Variants in HSP90AB1 observed in about 807,000 individuals in gnomAD.
HSP90AB1 encodes heat shock protein HSP 90-beta.
HSP90AB1 carries 17 observed loss-of-function variants against 67.8 expected under a neutral mutation model. That is an observed-to-expected ratio of 0.25 (90% CI 0.17 to 0.38). The LOEUF is 0.38. Among genes scored for constraint, HSP90AB1 ranks in the 10% least tolerant of loss-of-function variants. The probability of loss-of-function intolerance (pLI) is 1.00; values close to 1 mark genes in which losing one functional copy is unlikely to be tolerated. For synonymous variants in HSP90AB1, 390 were observed against 312.9 expected, an observed-to-expected ratio of 1.25 and a Z score of -2.60; for missense variants, 690 against 899.9, an observed-to-expected ratio of 0.77 and a Z score of 2.98.
Position 44,250,786 on chromosome 6 carries a change from CTCT to C in HSP90AB1, c.957+192_957+194del, listed in dbSNP as rs368873216. 2.4e-3 allele frequency among the ~76,000 whole-genome samples: 361 copies of C among 152,314 alleles called. 2 individuals carry two copies. Among genetic ancestry groups the C allele is most frequent in the African/African-American group, 7.7e-3 (321 of 41,568 alleles). Reference sequence around the variant, plus strand: ...CCATCATTTCTAATGACCTCACTTTCTCTTCTTATGGAAATCTGGGTAATGTCT... The same window carrying C: ...CCATCATTTCTAATGACCTCACTTTCTCTTATGGAAATCTGGGTAATGTCT... On this transcript the variant is annotated intron_variant, in intron 6 of 11. Transcript: ENST00000371646.
Position 44,251,580 on chromosome 6 carries a change from T to A in HSP90AB1, c.1286T>A (p.Phe429Tyr). 1 of 1,607,088 alleles carries A rather than the reference T, an allele frequency of 6.2e-7. No individual in the cohort carries two copies. The highest frequency in any genetic ancestry group is 8.5e-7 in the Non-Finnish European group (1 of 1,175,502). Residue 429 changes from phenylalanine to tyrosine, a missense_variant, in exon 8 of 12, where the codon TTC becomes TAC. By Grantham distance (22) the Phe-to-Tyr change is conservative. Transcript: ENST00000371646. ...LAEDKENYKK[F>Y]YEAFSKNLKL... ...GAAGACAAGGAGAATTACAAGAAAT[T>A]CTATGAGGCATTCTCTAAAAATCTC...
chr6:44,248,855 T>C (rs919413126), intron 2 of HSP90AB1, 79 bp downstream of exon 2: 1 of 1,326,546 alleles, frequency 7.5e-7, no homozygotes, highest in Non-Finnish European at 1.1e-6. Flanking sequence ...TGGTTTGGCC[T>C]TTGTTGGGGA....
chr6:44,251,291 A>C, intron 7 of HSP90AB1, 78 bp downstream of exon 7: 2 of 1,564,962 alleles, frequency 1.3e-6, no homozygotes, highest in South Asian at 2.2e-5. Context: ...ATTCTAAGGT[A>C]ACAGTTTTCT....
In HSP90AB1 at chr6:44,248,718, A is replaced by G; in HGVS notation, c.89A>G (p.Asn30Ser). 6.2e-7 allele frequency: 1 copy of G among 1,613,988 alleles called. No homozygotes were observed. The highest frequency in any genetic ancestry group is 8.5e-7 in the Non-Finnish European group (1 of 1,179,806). Residue 30 changes from asparagine (N) to serine (S), a missense_variant, in exon 2 of 12, where the codon AAT becomes AGT. Transcript: ENST00000371646. ...GCCCAACTCATGTCCCTCATCATCA[A>G]TACCTTCTATTCCAACAAGGAGATT... ...EIAQLMSLII[N>S]TFYSNKEIFL...
chr6:44,249,094 C>T (rs34242605), intron 2 of HSP90AB1, among the ~76,000 whole-genome samples: 1 of 152,176 alleles, frequency 6.6e-6, no homozygotes, highest in African/African-American at 2.4e-5. Flanking sequence ...TGTTGGCTCA[C>T]ACCTGTAATG....
chr6:44,252,500 T>C (rs1245465252), intron 10 of HSP90AB1, among the ~76,000 whole-genome samples: 1 of 152,134 alleles, frequency 6.6e-6, no homozygotes, highest in East Asian at 1.9e-4. Context: ...ATTTTCTTTT[T>C]TTTTTCTTTT....
At position 44,247,583 on chromosome 6, in the gene HSP90AB1, C is replaced by T. The variant is rs151300719; in HGVS notation, c.-1+388C>T. Among the ~76,000 whole-genome samples the T allele has an allele frequency of 1.9e-3, 285 of 152,340 alleles. 1 individual carries two copies. The highest frequency in any genetic ancestry group is 6.4e-3 in the African/African-American group (268 of 41,578). ...GTGGCGGGGGTGCCCGCTCGGGTGA[C>T]TCAGCACGGCCTTGTGGGACTGGCT... On this transcript the variant is annotated intron_variant, in intron 1 of 11. Coordinates refer to ENST00000371646, the MANE Select transcript of HSP90AB1 (RefSeq NM_007355.4).
intron 10 of HSP90AB1, 55 bp from the exon 11 acceptor site, chr6:44,252,990 T>G: frequency 6.9e-7 from 1 of 1,447,664 alleles, no homozygotes; most frequent in Non-Finnish European, 9.7e-7. Flanking sequence ...TGACAATGCC[T>G]GTTTTCTCTT....
At position 44,250,571 on chromosome 6, in the gene HSP90AB1, A is replaced by G. The variant is rs750758391; in HGVS notation, c.929A>G (p.Asn310Ser). Residue 310 changes from asparagine to serine, a missense_variant, in exon 6 of 12, where the codon AAT becomes AGT. Asn to Ser is a conservative substitution (Grantham distance 46, BLOSUM62 1). This residue lies in a region of HSP90AB1 where 101 missense variants were observed against 174.8 expected (regional missense o/e 0.58). Transcript: ENST00000371646. Reference protein sequence around the residue: ...EYGEFYKSLTNDWEDHLAVKH... With the variant: ...EYGEFYKSLTSDWEDHLAVKH... The stretch of plus-strand genomic sequence containing the variant: ...GGAGAATTCTACAAGAGCCTCACTA[A>G]TGACTGGGAAGACCACTTGGCAGTC... The G allele has an allele frequency of 6.2e-7, 1 of 1,611,370 alleles. No homozygotes were observed.
At position 44,253,155 on chromosome 6, in the gene HSP90AB1, C is replaced by T. The variant is rs1220613830; in HGVS notation, c.1842C>T (p.Asn614=). ...TGAAAGCCCAGGCACTTCGGGACAA[C>T]TCCACCATGGGCTATATGATGGCCA... The part of the protein sequence containing the change: ...RIMKAQALRD[N]STMGYMMAKK... The change falls in exon 11 of 12, where the codon AAC becomes AAT. Residue 614 remains asparagine (N), a synonymous_variant. Transcript: ENST00000371646. 6 of 1,614,124 alleles carry T rather than the reference C, an allele frequency of 3.7e-6. No homozygotes were observed. Among genetic ancestry groups the T allele is most frequent in the Non-Finnish European group, 5.1e-6 (6 of 1,180,054 alleles).
At chr6:44,251,667 A>G (rs780773308) in intron 8 of HSP90AB1, 59 bp downstream of exon 8, 6 of 1,591,798 alleles carry the variant, frequency 3.8e-6, no homozygotes, top group Non-Finnish European at 5.1e-6. Context: ...ACAATAAATT[A>G]TTCCATTCAC....
At position 44,248,315 on chromosome 6, in the gene HSP90AB1, CATT is replaced by C. The variant is rs571281415; in HGVS notation, c.1-312_1-310del. 4.5e-4 allele frequency among the ~76,000 whole-genome samples: 69 copies of C among 152,352 alleles called. No individual in the cohort carries two copies. The East Asian group carries it at 0.013, about 28-fold the overall frequency. On this transcript the variant is annotated intron_variant, in intron 1 of 11. Coordinates refer to ENST00000371646, the MANE Select transcript of HSP90AB1 (RefSeq NM_007355.4). ...TCTCTAGATACCTGGGTTGGACCAA[CATT>C]ATGATTTTTCTGCCATACTACCAGA...
chr6:44,251,305 A>G (rs1427401050), intron 7 of HSP90AB1, 92 bp downstream of exon 7: 23 of 1,541,874 alleles, frequency 1.5e-5, no homozygotes, highest in Non-Finnish European at 2.0e-5. Context: ...GTTTTCTGCA[A>G]TACATAGTAG....
upstream of HSP90AB1, among the ~76,000 whole-genome samples, chr6:44,246,934 T>C (rs1306834333): frequency 2.0e-5 from 3 of 152,194 alleles, no homozygotes; most frequent in African/African-American, 7.2e-5. Context: ...GATCCGTTGC[T>C]TGGGTTCTTC....
Position 44,251,512 on chromosome 6 carries a change from A to G in HSP90AB1, c.1218A>G (p.Lys406=). The part of the protein sequence containing the change: ...QQSKILKVIR[K]NIVKKCLELF... Reference sequence around the variant, plus strand: ...GCAAAATCTTGAAAGTCATTCGCAAAAACATTGTTAAGAAGTGCCTTGAGC... The same window carrying G: ...GCAAAATCTTGAAAGTCATTCGCAAGAACATTGTTAAGAAGTGCCTTGAGC... The change falls in exon 8 of 12, where the codon AAA becomes AAG. Residue 406 remains lysine (K), a synonymous_variant. Coordinates refer to ENST00000371646, the MANE Select transcript of HSP90AB1 (RefSeq NM_007355.4). 6.2e-7 allele frequency: 1 copy of G among 1,612,528 alleles called. No individual in the cohort carries two copies. The highest frequency in any genetic ancestry group is 1.7e-4 in the Middle Eastern group (1 of 6,050).
rs1445768883 is a variant in HSP90AB1 at position 44,252,503 on chromosome 6, TTTC to T, written c.1731+239_1731+241del. Among the ~76,000 whole-genome samples, 141 of 152,282 alleles carry T rather than the reference TTTC, an allele frequency of 9.3e-4. 1 individual carries two copies. The highest frequency in any genetic ancestry group is 3.2e-3 in the African/African-American group (132 of 41,534). On this transcript the variant is annotated intron_variant, in intron 10 of 11. Coordinates refer to ENST00000371646, the MANE Select transcript of HSP90AB1 (RefSeq NM_007355.4). ...TAAAATACCATCATTTTCTTTTTTTTTTCTTTTTTTGAGATGGGGTCTCGCTCT... is the reference window on the plus strand; with the variant it reads ...TAAAATACCATCATTTTCTTTTTTTTTTTTTTTGAGATGGGGTCTCGCTCT...
chr6:44,252,526 C>T (rs901283985), intron 10 of HSP90AB1, among the ~76,000 whole-genome samples: 6 of 151,636 alleles, frequency 4.0e-5, no homozygotes, highest in East Asian at 1.9e-4. Flanking sequence ...GATGGGGTCT[C>T]GCTCTGTCAC....
In HSP90AB1 at chr6:44,247,112, C is replaced by T. The variant is rs1454595912; in HGVS notation, c.-84C>T. ...GGCACGCAGTAGCTCTCTCGAGTCA[C>T]TCCGGCGCAGTGTTGGGACTGTCTG... On this transcript the variant is annotated 5_prime_UTR_variant, in exon 1 of 12. Coordinates refer to ENST00000371646, the MANE Select transcript of HSP90AB1 (RefSeq NM_007355.4). The T allele has an allele frequency of 1.3e-5, 2 of 152,260 alleles. No individual in the cohort carries two copies. The highest frequency in any genetic ancestry group is 6.5e-5 in the Admixed American group (1 of 15,284). The allele number at this position is 152,260 out of a possible 1,614,324, so 9.4% of individuals were successfully genotyped here.
rs1230406750 is a variant in HSP90AB1 at position 44,252,046 on chromosome 6, C to A, written c.1510C>A (p.Arg504=). The A allele has an allele frequency of 6.2e-7, 1 of 1,613,966 alleles. No individual in the cohort carries two copies. Among genetic ancestry groups the A allele is most frequent in the Non-Finnish European group, 8.5e-7 (1 of 1,180,028 alleles). Residue 504 remains arginine (R), a synonymous_variant, in exon 10 of 12, where the codon CGG becomes AGG. Coordinates refer to ENST00000371646, the MANE Select transcript of HSP90AB1 (RefSeq NM_007355.4). ...CAACTCAGCTTTTGTGGAGCGAGTG[C>A]GGAAACGGGGCTTCGAGGTGGTATA... The part of the protein sequence containing the change: ...VANSAFVERV[R]KRGFEVVYMT...
Sources: allele counts gnomAD v4.1 joint callset (sites outside exome capture counted in the v4.1 genomes callset), GRCh38; gene constraint gnomAD v4.1.1; regional missense constraint gnomAD v4.1.1; transcripts MANE v1.5; gene names NCBI Gene and HGNC (gene_info 2026-07-23, HGNC 2026-07-21).